Variants in CSMD1 observed in about 807,000 individuals in gnomAD.
The protein encoded by CSMD1 is CUB and sushi domain-containing protein 1.
In CSMD1, 213 loss-of-function variants were observed where a neutral mutation model predicts 417.5. That is an observed-to-expected ratio of 0.51 (90% confidence interval 0.46 to 0.57). The LOEUF (loss-of-function observed/expected upper bound fraction) is 0.57. Ranked by LOEUF, CSMD1 falls within the 20% of genes least tolerant of loss-of-function variation. CSMD1 has a pLI of 0.00. For synonymous variants in CSMD1, 2,862 were observed against 1,736.8 expected (o/e 1.65, Z -16.11); for missense variants, 6,923 against 4,529.7 (o/e 1.53, Z -15.17).
intron 5 of CSMD1, among the ~76,000 whole-genome samples, chr8:3,821,946 A>C (rs931160488): frequency 1.3e-5 from 2 of 152,156 alleles, no homozygotes; most frequent in Admixed American, 6.5e-5. Flanking sequence ...GTTTTCCTAC[A>C]TTTCCAGGCC....
chr8:3,649,219 T>A (rs1348991332), intron 7 of CSMD1, among the ~76,000 whole-genome samples: 1 of 152,212 alleles, frequency 6.6e-6, no homozygotes, highest in Non-Finnish European at 1.5e-5. Context: ...CTTCCGATAT[T>A]TTCCCTGCTT....
intron 38 of CSMD1, among the ~76,000 whole-genome samples, chr8:3,160,230 C>T (rs1386944807): frequency 6.6e-6 from 1 of 152,106 alleles, no homozygotes. Flanking sequence ...TCAAGCGATC[C>T]ACCCACCTCA....
rs188820280 is a variant in CSMD1, at chr8:4,927,886, C to G, written c.85+66446G>C. ...ATTCTACCAAGATTCCCCAAAGATC[C>G]CACCTTGTCATGTCCAGCAGCTCTA... On this transcript the variant is annotated intron_variant, in intron 1 of 69. Transcript: ENST00000635120. 4.9e-3 allele frequency among the ~76,000 whole-genome samples: 752 copies of G among 152,250 alleles called. 4 individuals are homozygous for G. The highest frequency in any genetic ancestry group is 7.7e-3 in the Non-Finnish European group (521 of 68,020).
chr8:4,037,806 G>C (rs1335546939), intron 3 of CSMD1, among the ~76,000 whole-genome samples: 2 of 152,042 alleles, frequency 1.3e-5, no homozygotes, highest in Admixed American at 6.5e-5. Flanking sequence ...GGTTGGAATT[G>C]AATCTTTTTA....
At chr8:3,621,894 T>C (rs942718357) in intron 7 of CSMD1, among the ~76,000 whole-genome samples, 2 of 152,028 alleles carry the variant, frequency 1.3e-5, no homozygotes, top group African/African-American at 2.4e-5. Context: ...CAGTAAGTTA[T>C]CGTGTCCAAC....
At chr8:3,445,440 G>C (rs1429767378) in intron 12 of CSMD1, among the ~76,000 whole-genome samples, 1 of 152,210 alleles carries the variant, frequency 6.6e-6, no homozygotes, top group East Asian at 1.9e-4. Context: ...GAAAGAGAAA[G>C]TGAATTACAA....
At chr8:4,810,855 T>C (rs1798857595) in intron 1 of CSMD1, among the ~76,000 whole-genome samples, 1 of 152,178 alleles carries the variant, frequency 6.6e-6, no homozygotes, top group Non-Finnish European at 1.5e-5. Flanking sequence ...AGAGATCAAA[T>C]GATTTATAAG....
intron 5 of CSMD1, among the ~76,000 whole-genome samples, chr8:3,995,691 C>T (rs1815158604): frequency 1.3e-5 from 2 of 152,152 alleles, no homozygotes; most frequent in African/African-American, 4.8e-5. Flanking sequence ...CAATAGTAGA[C>T]AATAGTAAGA....
chr8:3,470,223 A>G (rs953270366), intron 11 of CSMD1, among the ~76,000 whole-genome samples: 3 of 152,174 alleles, frequency 2.0e-5, no homozygotes, highest in African/African-American at 7.2e-5. Flanking sequence ...ATTTTGTTCA[A>G]CATGATTTTG....
At chr8:3,514,079 A>G (rs1797188781) in intron 10 of CSMD1, among the ~76,000 whole-genome samples, 1 of 152,170 alleles carries the variant, frequency 6.6e-6, no homozygotes, top group Non-Finnish European at 1.5e-5. Flanking sequence ...TTAGTTTTTC[A>G]AAGCATCACT....
chr8:4,201,888 G>GGC (rs1491107054), intron 3 of CSMD1, among the ~76,000 whole-genome samples: 2 of 3,332 alleles, frequency 6.0e-4, no homozygotes, highest in African/African-American at 6.9e-4. Context: ...TGGAAATTTT[G>GGC]GGGGGGGGGG....
intron 56 of CSMD1, among the ~76,000 whole-genome samples, chr8:2,973,719 G>A (rs1466776441): frequency 2.6e-5 from 4 of 151,804 alleles, no homozygotes; most frequent in East Asian, 3.9e-4. Flanking sequence ...TGTGTCCAGA[G>A]TTGCTGGTTC....
intron 3 of CSMD1, among the ~76,000 whole-genome samples, chr8:4,234,838 T>C (rs1801950634): frequency 1.3e-5 from 2 of 152,240 alleles, no homozygotes; most frequent in Admixed American, 6.5e-5. Context: ...GTCTCTGCAC[T>C]GTGGGCGCCT....
intron 3 of CSMD1, among the ~76,000 whole-genome samples, chr8:4,230,175 T>C (rs1444275490): frequency 6.6e-6 from 1 of 152,180 alleles, no homozygotes; most frequent in Non-Finnish European, 1.5e-5. Flanking sequence ...TGAATTGATA[T>C]TCTGAGCCAA....
rs1224821168 is a variant in CSMD1 at position 4,073,464 on chromosome 8, A to G, written c.416-41365T>C. ...TGTGCGACTGTCTTACTTAGATTCTATTTTCTCCTCATTTTCTGGCTGTCC... is the reference window on the plus strand; with the variant it reads ...TGTGCGACTGTCTTACTTAGATTCTGTTTTCTCCTCATTTTCTGGCTGTCC... On this transcript the variant is annotated intron_variant, in intron 3 of 69. Transcript: ENST00000635120. 2.0e-5 allele frequency among the ~76,000 whole-genome samples: 3 copies of G among 152,048 alleles called. 1 individual carries two copies. Among genetic ancestry groups the G allele is most frequent in the Admixed American group, 2.0e-4 (3 of 15,252 alleles).
At chr8:4,315,725 T>C (rs1048719566) in intron 3 of CSMD1, among the ~76,000 whole-genome samples, 10 of 152,200 alleles carry the variant, frequency 6.6e-5, no homozygotes, top group Non-Finnish European at 1.2e-4. Context: ...TAGATTGAGC[T>C]GTGCAAAAAA....
intron 18 of CSMD1, among the ~76,000 whole-genome samples, chr8:3,384,717 TA>T (rs1810869251): frequency 1.7e-5 from 1 of 60,324 alleles, no homozygotes; most frequent in African/African-American, 8.5e-5. Flanking sequence ...TAAATATATT[TA>T]TAATATTTAT....
At chr8:4,127,033 T>A (rs1802804821) in intron 3 of CSMD1, among the ~76,000 whole-genome samples, 1 of 152,078 alleles carries the variant, frequency 6.6e-6, no homozygotes, top group African/African-American at 2.4e-5. Context: ...TACCCTGGCC[T>A]CCAAAATCAT....
intron 3 of CSMD1, among the ~76,000 whole-genome samples, chr8:4,383,985 T>G (rs1347491120): frequency 2.0e-5 from 3 of 152,174 alleles, no homozygotes. Context: ...ACCCTTTAAG[T>G]AGCACTTGGA....
Sources: allele counts gnomAD v4.1 joint callset (sites outside exome capture counted in the v4.1 genomes callset), GRCh38; gene constraint gnomAD v4.1.1; transcripts MANE v1.5; gene names NCBI Gene and HGNC (gene_info 2026-07-23, HGNC 2026-07-21).